The following TG variants were observed in gnomAD, a reference collection of about 807,000 sequenced individuals.
TG encodes the protein thyroglobulin.
A neutral mutation model predicts 324.7 loss-of-function variants in TG; 270 were observed. The ratio of observed to expected loss-of-function variants is 0.83; its 90% CI spans 0.75 to 0.92. The LOEUF is 0.92. Among genes scored for constraint, TG ranks in the 40% least tolerant of loss-of-function variants. TG has a pLI of 0.00. For missense variants in TG, 3,591 were observed against 3,456.4 expected (o/e 1.04, Z -0.98); for synonymous variants, 1,401 against 1,327.0 (o/e 1.06, Z -1.21).
At chr8:132,880,690 C>G (rs1410766560) in intron 5 of TG, among the ~76,000 whole-genome samples, 1 of 152,144 alleles carries the variant, frequency 6.6e-6, no homozygotes, top group African/African-American at 2.4e-5. Flanking sequence ...CAAAGCCAGG[C>G]TCTCAGCAAT....
chr8:132,901,247 AG>A, intron 15 of TG, 105 bp from the exon 16 acceptor site: 1 of 1,357,166 alleles, frequency 7.4e-7, no homozygotes, highest in Non-Finnish European at 1.0e-6. Flanking sequence ...AAGGCCCTGC[AG>A]GCAGGTGGGC....
intron 34 of TG, among the ~76,000 whole-genome samples, chr8:132,980,586 A>G (rs1481688334): frequency 1.3e-5 from 2 of 152,126 alleles, no homozygotes; most frequent in African/African-American, 4.8e-5. Context: ...TATTGATCCC[A>G]AGGAGGAGGT....
chr8:133,094,263 T>C (rs7013643), intron 41 of TG, among the ~76,000 whole-genome samples: 103,916 of 143,882 alleles, frequency 0.72, 37,971 homozygotes, highest in African/African-American at 0.76. Context: ...TTTTTTTTGA[T>C]GGAGTCTTGC....
chr8:133,113,765 A>T, intron 44 of TG, 162 bp downstream of exon 44: 1 of 839,468 alleles, frequency 1.2e-6, no homozygotes. Flanking sequence ...GTCCCTGCTG[A>T]GGGGAAGCCC....
At chr8:132,981,273 A>T (rs1196617337) in intron 34 of TG, among the ~76,000 whole-genome samples, 3 of 152,214 alleles carry the variant, frequency 2.0e-5, no homozygotes, top group African/African-American at 7.2e-5. Flanking sequence ...CACCATTCTC[A>T]TAGTGTTCAG....
intron 41 of TG, chr8:133,075,076 A>T: frequency 1.0e-6 from 1 of 985,420 alleles, no homozygotes; most frequent in Non-Finnish European, 1.2e-6. Context: ...GGGCTTGCAG[A>T]AGGGCAGGTT....
chr8:133,000,641 G>A (rs971956315), intron 35 of TG, among the ~76,000 whole-genome samples: 8 of 152,136 alleles, frequency 5.3e-5, no homozygotes, highest in Non-Finnish European at 7.4e-5. Context: ...GACAACACAC[G>A]GAGCACATCA....
chr8:133,060,483 A>G, intron 41 of TG: 1 of 882,994 alleles, frequency 1.1e-6, no homozygotes, highest in Non-Finnish European at 1.6e-6. Flanking sequence ...GAGGATGGTA[A>G]GCAGCCACAG....
At chr8:132,951,583 G>T (rs1244517214) in intron 27 of TG, among the ~76,000 whole-genome samples, 1 of 152,148 alleles carries the variant, frequency 6.6e-6, no homozygotes, top group Non-Finnish European at 1.5e-5. Flanking sequence ...GTTACCAAAA[G>T]ACTTTTGAAA....
intron 37 of TG, among the ~76,000 whole-genome samples, chr8:133,014,847 C>T (rs934908379): frequency 1.3e-5 from 2 of 152,184 alleles, no homozygotes; most frequent in Non-Finnish European, 1.5e-5. Context: ...GTAAGTCTTG[C>T]CCTCTCTTTA....
In TG at chr8:132,988,918, C is replaced by T. The variant is rs928814766; in HGVS notation, c.6262+5506C>T. The T allele has an allele frequency of 3.4e-5, 33 of 983,710 alleles. No individual in the cohort carries two copies. The East Asian group carries it at 3.4e-4, about 10-fold the overall frequency. The allele number at this position is 983,710 out of a possible 1,614,324, so 60.9% of individuals were successfully genotyped here. Reference sequence around the variant, plus strand: ...AGAGGTGTGTATTAGTTCATTTTCACGTTGCTCATAAAGACATACCCGAGA... The same window carrying T: ...AGAGGTGTGTATTAGTTCATTTTCATGTTGCTCATAAAGACATACCCGAGA... On this transcript the variant is annotated intron_variant, in intron 35 of 47. Coordinates refer to ENST00000220616, the MANE Select transcript of TG (RefSeq NM_003235.5).
chr8:132,898,983 C>T (rs1360307768), intron 14 of TG, 73 bp downstream of exon 14: 1 of 1,292,862 alleles, frequency 7.7e-7, no homozygotes, highest in Non-Finnish European at 1.1e-6. Context: ...TCTTTTTGTT[C>T]AATACGTTCA....
intron 22 of TG, among the ~76,000 whole-genome samples, chr8:132,926,753 T>C (rs967723908): frequency 1.3e-5 from 2 of 152,162 alleles, no homozygotes; most frequent in African/African-American, 4.8e-5. Context: ...TTCCATGCTA[T>C]ATTATTTAGT....
chr8:132,918,757 A>T (rs1563954549), intron 20 of TG, among the ~76,000 whole-genome samples: 1 of 152,246 alleles, frequency 6.6e-6, no homozygotes, highest in South Asian at 2.1e-4. Flanking sequence ...TATGGAGATG[A>T]TAACTTCCCC....
chr8:133,098,802 GAGGGTAGCCC>G (rs1848823123), intron 43 of TG, among the ~76,000 whole-genome samples: 1 of 152,174 alleles, frequency 6.6e-6, no homozygotes, highest in African/African-American at 2.4e-5. Context: ...ATGGTGTTCA[GAGGGTAGCCC>G]AGGCTCATGT....
intron 26 of TG, among the ~76,000 whole-genome samples, chr8:132,941,943 G>A (rs1319135751): frequency 6.6e-6 from 1 of 152,140 alleles, no homozygotes; most frequent in Non-Finnish European, 1.5e-5. Context: ...GCCAGGACTG[G>A]ACATATTTGG....
rs749050717 is a variant in TG at position 132,906,706 on chromosome 8, C to T, written c.3653C>T (p.Pro1218Leu). 12 of 1,614,066 alleles carry T rather than the reference C, an allele frequency of 7.4e-6. No homozygotes were observed. In the African/African-American group the frequency reaches 1.1e-4, roughly 14 times the overall value. Residue 1218 changes from proline to leucine, a missense_variant, in exon 17 of 48, where the codon CCA becomes CTA. Pro to Leu is a moderately conservative substitution (Grantham distance 98). Coordinates refer to ENST00000220616, the MANE Select transcript of TG (RefSeq NM_003235.5). ...CTCCCAGGCCCGCGGTGTCCGCTGC[C>T]ATTCAACGCGTCGGAGGTGGTTGGT... ...PACESPRCPL[P>L]FNASEVVGGT...
chr8:133,036,812 A>T (rs1007204877), intron 41 of TG: 2 of 152,666 alleles, frequency 1.3e-5, no homozygotes, highest in Non-Finnish European at 2.9e-5. Context: ...CCACTGAGAA[A>T]TCCCTCTGGG....
rs149499421 is a variant in TG at position 133,105,764 on chromosome 8, G to A, written c.7573-7658G>A. ...GGAAAAGGGGACAGGGTGGCAGCTG[G>A]GAGCCTTGGCTTTCAAGAGTAGTCA... On this transcript the variant is annotated intron_variant, in intron 43 of 47. Coordinates refer to ENST00000220616, the MANE Select transcript of TG (RefSeq NM_003235.5). 5.9e-5 allele frequency among the ~76,000 whole-genome samples: 9 copies of A among 152,222 alleles called. No homozygotes were observed. In the East Asian group the frequency reaches 1.7e-3, roughly 29 times the overall value.
Sources: allele counts gnomAD v4.1 joint callset (sites outside exome capture counted in the v4.1 genomes callset), GRCh38; gene constraint gnomAD v4.1.1; transcripts MANE v1.5; gene names NCBI Gene and HGNC (gene_info 2026-07-23, HGNC 2026-07-21).